GABRG3: variants seen among roughly 807,000 people sequenced by gnomAD.
The protein encoded by GABRG3 is gamma-aminobutyric acid receptor subunit gamma-3.
A neutral mutation model predicts 48.8 loss-of-function variants in GABRG3; 25 were observed. That is an observed-to-expected ratio of 0.51 (90% CI 0.37 to 0.72). The LOEUF (loss-of-function observed/expected upper bound fraction) is 0.72. GABRG3 is among the 30% of genes least tolerant of loss of function. The pLI, the probability that GABRG3 is intolerant of heterozygous loss-of-function variation, is 0.00. For missense variants in GABRG3, 394 were observed against 577.9 expected (o/e 0.68, Z 3.26); for synonymous variants, 227 against 217.6 (o/e 1.04, Z -0.38).
At chr15:27,010,779 A>G (rs146269517) in intron 2 of GABRG3, among the ~76,000 whole-genome samples, 4 of 152,288 alleles carry the variant, frequency 2.6e-5, no homozygotes, top group South Asian at 4.1e-4. Flanking sequence ...CCGTTCCACT[A>G]TCCTCAGATC....
intron 3 of GABRG3, among the ~76,000 whole-genome samples, chr15:27,209,337 T>A (rs2140433655): frequency 6.9e-6 from 1 of 144,854 alleles, no homozygotes; most frequent in African/African-American, 2.7e-5. Context: ...GCTCTTTCTT[T>A]CTTTCTTTCT....
At chr15:27,021,661 C>T (rs746993742) in intron 2 of GABRG3, among the ~76,000 whole-genome samples, 6 of 151,906 alleles carry the variant, frequency 3.9e-5, no homozygotes, top group Admixed American at 6.6e-5. Flanking sequence ...GGCAACATAG[C>T]GAGACTCTAT....
intron 5 of GABRG3, among the ~76,000 whole-genome samples, chr15:27,344,591 A>C (rs887413018): frequency 6.6e-6 from 1 of 152,228 alleles, no homozygotes; most frequent in Admixed American, 6.5e-5. Context: ...TGATCATTGT[A>C]TCAAATTCTA....
intron 6 of GABRG3, among the ~76,000 whole-genome samples, chr15:27,499,406 T>C (rs1890565558): frequency 6.6e-6 from 1 of 152,130 alleles, no homozygotes; most frequent in South Asian, 2.1e-4. Context: ...GACAAATCAC[T>C]AACTATAAAC....
intron 5 of GABRG3, among the ~76,000 whole-genome samples, chr15:27,436,850 G>A (rs1888627311): frequency 6.6e-6 from 1 of 152,130 alleles, no homozygotes. Flanking sequence ...CCAGGGGCAA[G>A]CCGGGCTTGG....
rs141307403 is a variant in GABRG3, at chr15:27,122,162, C to T, written c.270+95341C>T. ...CTTGAGGGGATGGATACCCCGTTCT[C>T]CATGATGTGATTATTATACATTGCA... On this transcript the variant is annotated intron_variant, in intron 3 of 9. Coordinates refer to ENST00000615808, the MANE Select transcript of GABRG3 (RefSeq NM_033223.5). Among the ~76,000 whole-genome samples the T allele has an allele frequency of 7.3e-4, 111 of 152,286 alleles. 2 individuals are homozygous for T. Among genetic ancestry groups the T allele is most frequent in the African/African-American group, 2.5e-3 (103 of 41,558 alleles).
At chr15:27,060,074 A>G (rs559473622) in intron 3 of GABRG3, among the ~76,000 whole-genome samples, 67 of 152,246 alleles carry the variant, frequency 4.4e-4, no homozygotes, top group Non-Finnish European at 8.2e-4. Flanking sequence ...TGGCAACTAC[A>G]TTATTTTAAA....
Position 27,099,421 on chromosome 15 carries a change from T to A in GABRG3, c.270+72600T>A, listed in dbSNP as rs572141734. Among the ~76,000 whole-genome samples the A allele has an allele frequency of 1.9e-3, 292 of 152,310 alleles. 2 individuals are homozygous for A. The highest frequency in any genetic ancestry group is 6.7e-3 in the African/African-American group (280 of 41,568). On this transcript the variant is annotated intron_variant, in intron 3 of 9. Transcript: ENST00000615808. Reference sequence around the variant, plus strand: ...TAGGTGGCTGTTGTCTTCCTGTGTCTTCGCATGGTTTCCCCTGTTTGTTTG... The same window carrying A: ...TAGGTGGCTGTTGTCTTCCTGTGTCATCGCATGGTTTCCCCTGTTTGTTTG...
chr15:27,323,849 C>T (rs1199521396), intron 3 of GABRG3, among the ~76,000 whole-genome samples: 4 of 152,274 alleles, frequency 2.6e-5, no homozygotes, highest in Admixed American at 6.5e-5. Context: ...ACCCAGGGCA[C>T]GTGGTTCACG....
At chr15:27,081,556 T>C (rs1378514261) in intron 3 of GABRG3, among the ~76,000 whole-genome samples, 1 of 145,662 alleles carries the variant, frequency 6.9e-6, no homozygotes, top group African/African-American at 2.5e-5. Flanking sequence ...AGCTATGTCT[T>C]ATCAATGTGT....
chr15:27,505,444 T>C (rs564466774), intron 6 of GABRG3, among the ~76,000 whole-genome samples: 18 of 152,332 alleles, frequency 1.2e-4, no homozygotes, highest in African/African-American at 3.8e-4. Context: ...AGTATTTCTG[T>C]AGATGTTCTT....
chr15:27,397,802 A>T (rs79432159), intron 5 of GABRG3, among the ~76,000 whole-genome samples: 389 of 122,342 alleles, frequency 3.2e-3, no homozygotes, highest in East Asian at 9.9e-3. Context: ...TCTCTGAAAA[A>T]TTTTTTTTTT....
intron 2 of GABRG3, among the ~76,000 whole-genome samples, chr15:27,006,835 T>C (rs1250142071): frequency 7.2e-6 from 1 of 139,646 alleles, no homozygotes; most frequent in Non-Finnish European, 1.6e-5. Flanking sequence ...CATGATCTCG[T>C]TTGTTTTTTT....
At chr15:27,232,402 CT>C (rs1300620111) in intron 3 of GABRG3, among the ~76,000 whole-genome samples, 1 of 152,204 alleles carries the variant, frequency 6.6e-6, no homozygotes, top group Non-Finnish European at 1.5e-5. Flanking sequence ...GTGTGAGCAG[CT>C]GTCATCTTAC....
rs150195384 is a variant in GABRG3, at chr15:27,434,683, G to T, written c.575-45967G>T. 7.3e-3 allele frequency among the ~76,000 whole-genome samples: 1,115 copies of T among 152,230 alleles called. 5 individuals are homozygous for T. The highest frequency in any genetic ancestry group is 0.013 in the Non-Finnish European group (866 of 68,010). On this transcript the variant is annotated intron_variant, in intron 5 of 9. Coordinates refer to ENST00000615808, the MANE Select transcript of GABRG3 (RefSeq NM_033223.5). ...GTCCCTTCATATTCCATCAGAGCCG[G>T]TGCCACTGGCCATTGAGGGCAGTGA...
chr15:26,982,082 A>G (rs1895065882), intron 2 of GABRG3, among the ~76,000 whole-genome samples: 1 of 152,252 alleles, frequency 6.6e-6, no homozygotes, highest in Admixed American at 6.5e-5. Flanking sequence ...TGATATATCT[A>G]AATTACCATT....
At chr15:27,079,100 A>G (rs1896953710) in intron 3 of GABRG3, among the ~76,000 whole-genome samples, 1 of 152,172 alleles carries the variant, frequency 6.6e-6, no homozygotes, top group Non-Finnish European at 1.5e-5. Context: ...CGTTTCCCCC[A>G]GACCCTGCAG....
At position 27,319,481 on chromosome 15, in the gene GABRG3, C is replaced by T. The variant is rs142854125; in HGVS notation, c.271-7328C>T. Among the ~76,000 whole-genome samples, 207 of 152,246 alleles carry T rather than the reference C, an allele frequency of 1.4e-3. 1 individual carries two copies. The highest frequency in any genetic ancestry group is 4.7e-3 in the African/African-American group (196 of 41,526). On this transcript the variant is annotated intron_variant, in intron 3 of 9. Transcript: ENST00000615808. The surrounding 1 kb of genome is among the most constrained non-coding windows in gnomAD (Gnocchi z 4.4). Reference sequence around the variant, plus strand: ...TGGGGCAGTCTCTATGCGGAATTTGCGGATAATTGTGATACGGCAGTTGAA... The same window carrying T: ...TGGGGCAGTCTCTATGCGGAATTTGTGGATAATTGTGATACGGCAGTTGAA...
chr15:27,411,951 C>G (rs982675358), intron 5 of GABRG3, among the ~76,000 whole-genome samples: 7 of 152,114 alleles, frequency 4.6e-5, no homozygotes, highest in African/African-American at 1.4e-4. Context: ...TTCTCCAATG[C>G]TCTTTCTTTC....
Sources: allele counts gnomAD v4.1 joint callset (sites outside exome capture counted in the v4.1 genomes callset), GRCh38; gene constraint gnomAD v4.1.1; non-coding constraint Gnocchi (gnomAD v3.1); transcripts MANE v1.5; gene names NCBI Gene and HGNC (gene_info 2026-07-23, HGNC 2026-07-21).